The following JMJD1C variants were observed in gnomAD, a reference collection of about 807,000 sequenced individuals.
JMJD1C encodes the protein jumonji domain containing 1C, also known as jumonji domain-containing protein 1C.
In JMJD1C, 31 loss-of-function variants were observed where a neutral mutation model predicts 245.3. That is an observed-to-expected ratio of 0.13 (90% confidence interval 0.09 to 0.17). The LOEUF is 0.17. Among genes scored for constraint, JMJD1C ranks in the 10% least tolerant of loss-of-function variants. The pLI, the probability that JMJD1C is intolerant of heterozygous loss-of-function variation, is 1.00. For synonymous variants in JMJD1C, 1,057 were observed against 1,017.4 expected, an observed-to-expected ratio of 1.04 and a Z score of -0.74; for missense variants, 2,691 against 3,000.2, an observed-to-expected ratio of 0.90 and a Z score of 2.41.
At chr10:63,413,274 T>C (rs549010992) in intron 1 of JMJD1C, among the ~76,000 whole-genome samples, 34 of 152,298 alleles carry the variant, frequency 2.2e-4, no homozygotes, top group South Asian at 1.0e-3. Context: ...ACAGAACTGT[T>C]TGGACTTTAC....
At chr10:63,356,026 T>C (rs1944813993) in intron 2 of JMJD1C, among the ~76,000 whole-genome samples, 1 of 152,166 alleles carries the variant, frequency 6.6e-6, no homozygotes, top group South Asian at 2.1e-4. Context: ...TGTAGTCCAA[T>C]GTGAGGAAAA....
At chr10:63,333,289 T>C (rs1307552754) in intron 2 of JMJD1C, among the ~76,000 whole-genome samples, 1 of 152,134 alleles carries the variant, frequency 6.6e-6, no homozygotes, top group Admixed American at 6.6e-5. Flanking sequence ...GTGTGGTGGC[T>C]CACACTTGTA....
At chr10:63,309,545 A>G (rs1938845810) in intron 2 of JMJD1C, among the ~76,000 whole-genome samples, 3 of 151,958 alleles carry the variant, frequency 2.0e-5, no homozygotes, top group African/African-American at 7.2e-5. Context: ...TAAGATGATA[A>G]TAAAGGAAGA....
At chr10:63,300,611 G>A (rs1336677807) in intron 2 of JMJD1C, among the ~76,000 whole-genome samples, 1 of 152,040 alleles carries the variant, frequency 6.6e-6, no homozygotes, top group Admixed American at 6.5e-5. Flanking sequence ...TCATTAAGAA[G>A]CCTGGCGTGG....
At chr10:63,521,548 G>T in intron 1 of JMJD1C, 1 of 1,429,532 alleles carries the variant, frequency 7.0e-7, no homozygotes. Flanking sequence ...CCGTGAAGAT[G>T]GTGTCCTGGA....
intron 24 of JMJD1C, among the ~76,000 whole-genome samples, chr10:63,174,849 CAA>C (rs1032278753): frequency 4.0e-5 from 6 of 148,396 alleles, no homozygotes; most frequent in African/African-American, 1.5e-4. Flanking sequence ...AAACAAAAAA[CAA>C]AAAACAAAAA....
At chr10:63,521,424 G>A (rs1213193175) in intron 1 of JMJD1C, 1 of 370,328 alleles carries the variant, frequency 2.7e-6, no homozygotes, top group East Asian at 8.8e-5. Flanking sequence ...GGCTCCTGAG[G>A]GCGCCAGCGC....
chr10:63,346,317 T>C (rs1272945843), intron 2 of JMJD1C, among the ~76,000 whole-genome samples: 1 of 152,160 alleles, frequency 6.6e-6, no homozygotes, highest in East Asian at 1.9e-4. Context: ...AAACATAAGA[T>C]AAATGAAGAG....
At chr10:63,431,408 C>T (rs1950737974) in intron 1 of JMJD1C, among the ~76,000 whole-genome samples, 1 of 152,060 alleles carries the variant, frequency 6.6e-6, no homozygotes, top group African/African-American at 2.4e-5. Flanking sequence ...ATGAGGCCAA[C>T]CTATGGGTAT....
intron 2 of JMJD1C, among the ~76,000 whole-genome samples, chr10:63,315,636 T>C (rs895319982): frequency 6.6e-6 from 1 of 151,512 alleles, no homozygotes; most frequent in African/African-American, 2.4e-5. Context: ...GGTCAGGAGA[T>C]TGAGATCATC....
chr10:63,445,069 A>G (rs1186418185), intron 1 of JMJD1C, among the ~76,000 whole-genome samples: 1 of 152,146 alleles, frequency 6.6e-6, no homozygotes, highest in East Asian at 1.9e-4. Flanking sequence ...TCTACAAAAA[A>G]ACAATTAAAA....
chr10:63,470,268 C>CATGAATGA (rs58667981), upstream of JMJD1C, among the ~76,000 whole-genome samples: 2,003 of 152,058 alleles, frequency 0.013, 29 homozygotes, highest in African/African-American at 0.034. Flanking sequence ...CATGTTATAG[C>CATGAATGA]ATGAATGAAT....
chr10:63,360,326 A>G (rs1945218018), intron 2 of JMJD1C, among the ~76,000 whole-genome samples: 1 of 152,140 alleles, frequency 6.6e-6, no homozygotes, highest in Non-Finnish European at 1.5e-5. Context: ...ATGCCACTGC[A>G]TTTCAGCCTG....
chr10:63,217,586 C>T lies in JMJD1C; in HGVS notation c.554-255G>A, dbSNP rs887117368. 10 of 249,792 alleles carry T rather than the reference C, an allele frequency of 4.0e-5. No homozygotes were observed. In the East Asian group the frequency reaches 5.6e-4, roughly 14 times the overall value. The allele number at this position is 249,792 out of a possible 1,614,324, so 15.5% of individuals were successfully genotyped here. On this transcript the variant is annotated intron_variant, in intron 4 of 25. Transcript: ENST00000399262. ...GAGAGAAGGAAGGTTTCTAGGATCA[C>T]GAGTTAATAAGAGAACAGTTCAAAA... is the stretch of plus-strand genomic sequence containing the variant.
Position 63,193,334 on chromosome 10 carries a change from T to G in JMJD1C, c.5862+11A>C, listed in dbSNP as rs1845072878. 6.3e-7 allele frequency: 1 copy of G among 1,577,852 alleles called. No individual in the cohort carries two copies. Among genetic ancestry groups the G allele is most frequent in the Non-Finnish European group, 8.6e-7 (1 of 1,166,302 alleles). On this transcript the variant is annotated intron_variant, in intron 15 of 25. Transcript: ENST00000399262. The stretch of plus-strand genomic sequence containing the variant: ...CAGATTTTATTTGAATAACCAGAGA[T>G]TTTTACTCACTTGAGATACACCATT...
chr10:63,170,823 T>G (rs1842279358), intron 24 of JMJD1C, among the ~76,000 whole-genome samples: 1 of 152,224 alleles, frequency 6.6e-6, no homozygotes, highest in South Asian at 2.1e-4. Context: ...AGAACACAAC[T>G]CAGCTTCTCA....
chr10:63,296,976 T>C (rs761068566), intron 2 of JMJD1C, among the ~76,000 whole-genome samples: 4 of 152,194 alleles, frequency 2.6e-5, no homozygotes, highest in Non-Finnish European at 5.9e-5. Flanking sequence ...TATATAATTA[T>C]TCCCTTCTTG....
chr10:63,226,823 C>T (rs1221925586), intron 3 of JMJD1C, among the ~76,000 whole-genome samples: 2 of 151,598 alleles, frequency 1.3e-5, no homozygotes, highest in African/African-American at 2.4e-5. Context: ...TTTGGGAAGC[C>T]GAGGTGGGTG....
intron 3 of JMJD1C, among the ~76,000 whole-genome samples, chr10:63,254,852 TC>T (rs558980910): frequency 3.4e-5 from 5 of 146,174 alleles, no homozygotes; most frequent in Admixed American, 6.9e-5. Flanking sequence ...GCAGCATAGC[TC>T]CCCCCCTTTT....
Sources: allele counts gnomAD v4.1 joint callset (sites outside exome capture counted in the v4.1 genomes callset), GRCh38; gene constraint gnomAD v4.1.1; transcripts MANE v1.5; gene names NCBI Gene and HGNC (gene_info 2026-07-23, HGNC 2026-07-21).